The following IRAG1 variants were observed in gnomAD, a reference collection of about 807,000 sequenced individuals.
IRAG1 encodes the protein inositol 1,4,5-triphosphate receptor associated 1.
In IRAG1, 62 loss-of-function variants were observed where a neutral mutation model predicts 106.2. That is an observed-to-expected ratio of 0.58 (90% confidence interval 0.48 to 0.72). The LOEUF (loss-of-function observed/expected upper bound fraction) is 0.72, where lower values mean the gene tolerates loss of function less well. IRAG1 is among the 30% of genes least tolerant of loss of function. IRAG1 has a pLI of 0.00. For missense variants in IRAG1, 1,064 were observed against 1,140.7 expected, an observed-to-expected ratio of 0.93 and a Z score of 0.97; for synonymous variants, 462 against 443.9, an observed-to-expected ratio of 1.04 and a Z score of -0.51.
rs1554935662 is a variant in IRAG1 at position 10,680,404 on chromosome 11, G to GAAAGGAAA, written c.67+13131_67+13132insTTTCCTTT. On this transcript the variant is annotated intron_variant, in intron 1 of 20. Coordinates refer to ENST00000423302, the MANE Select transcript of IRAG1 (RefSeq NM_130385.4). ...AGGAAGGAAGGAAGGAAGGAAGGAA[G>GAAAGGAAA]GAAAGAAAGGGAAAGAAAGAAAGAG... Among the ~76,000 whole-genome samples the GAAAGGAAA allele has an allele frequency of 7.4e-3, 609 of 82,108 alleles. 15 individuals carry two copies. The highest frequency in any genetic ancestry group is 0.018 in the African/African-American group (315 of 17,038). 53.9% of individuals were successfully genotyped at this position (82,108 alleles called of 152,430 possible).
chr11:10,627,430 T>A (rs1856328855), intron 8 of IRAG1, among the ~76,000 whole-genome samples: 1 of 152,202 alleles, frequency 6.6e-6, no homozygotes, highest in South Asian at 2.1e-4. Flanking sequence ...CAGTCTCACC[T>A]GGCCTGGAGG....
intron 2 of IRAG1, among the ~76,000 whole-genome samples, chr11:10,635,654 G>A (rs1364400610): frequency 2.0e-5 from 3 of 152,166 alleles, no homozygotes; most frequent in Non-Finnish European, 4.4e-5. Flanking sequence ...GTTGTGAAAT[G>A]GGTCTCATAC....
intron 3 of IRAG1, 89 bp from the exon 4 acceptor site, chr11:10,632,150 C>T: frequency 9.4e-6 from 7 of 744,636 alleles, no homozygotes; most frequent in East Asian, 5.8e-5. Flanking sequence ...TTTTCTTTTT[C>T]TTTCTTTCTT....
intron 1 of IRAG1, among the ~76,000 whole-genome samples, chr11:10,663,776 C>T (rs1859578884): frequency 6.6e-6 from 1 of 152,230 alleles, no homozygotes; most frequent in East Asian, 1.9e-4. Context: ...AATCAAGCCT[C>T]ACTTTTCACA....
Position 10,628,951 on chromosome 11 carries a change from T to C in IRAG1, c.575-123A>G, listed in dbSNP as rs1271792541. ...GGTCTGCCTTGCTGGGCTCAGGGGC[T>C]GATGCTGGACTGCAATATGATGCTC... On this transcript the variant is annotated intron_variant, in intron 5 of 20. Coordinates refer to ENST00000423302, the MANE Select transcript of IRAG1 (RefSeq NM_130385.4). This position sits in a 1 kb window ranked among gnomAD's most constrained non-coding sequence, Gnocchi z 4.1. The C allele has an allele frequency of 2.2e-6, 2 of 889,750 alleles. No individual in the cohort carries two copies. The highest frequency in any genetic ancestry group is 3.5e-6 in the Non-Finnish European group (2 of 578,232). The allele number at this position is 889,750 out of a possible 1,614,324, so 55.1% of individuals were successfully genotyped here.
chr11:10,633,310 CA>C (rs1485886664), intron 3 of IRAG1, among the ~76,000 whole-genome samples: 9 of 152,252 alleles, frequency 5.9e-5, no homozygotes, highest in East Asian at 3.9e-4. Context: ...CTCCTGACCT[CA>C]TGATTCACCC....
intron 4 of IRAG1, among the ~76,000 whole-genome samples, chr11:10,631,582 T>C (rs1231296155): frequency 3.9e-5 from 6 of 152,202 alleles, no homozygotes; most frequent in African/African-American, 7.2e-5. Context: ...ATGAGATCTA[T>C]GTTCCAACAG....
At chr11:10,614,551 G>A (rs1283045102) in intron 10 of IRAG1, among the ~76,000 whole-genome samples, 1 of 152,136 alleles carries the variant, frequency 6.6e-6, no homozygotes, top group Non-Finnish European at 1.5e-5. Context: ...ATACTACAAG[G>A]CTACAGTAAC....
intron 4 of IRAG1, 71 bp downstream of exon 4, chr11:10,631,920 G>T: frequency 7.8e-7 from 1 of 1,290,008 alleles, no homozygotes; most frequent in Non-Finnish European, 1.1e-6. Flanking sequence ...GAGAGAGGAA[G>T]GAGTCAAGCC....
chr11:10,692,682 T>C (rs974151215), intron 1 of IRAG1, among the ~76,000 whole-genome samples: 1 of 152,216 alleles, frequency 6.6e-6, no homozygotes, highest in African/African-American at 2.4e-5. Context: ...GTTCAGCAGC[T>C]GCCGAGCTCT....
At chr11:10,677,913 GATA>G (rs1397067971) in intron 1 of IRAG1, among the ~76,000 whole-genome samples, 1 of 152,200 alleles carries the variant, frequency 6.6e-6, no homozygotes, top group Non-Finnish European at 1.5e-5. Context: ...CTTTCACTTA[GATA>G]ATGTTTTTGA....
intron 1 of IRAG1, among the ~76,000 whole-genome samples, chr11:10,671,294 G>T (rs1860199199): frequency 6.6e-6 from 1 of 152,176 alleles, no homozygotes; most frequent in Non-Finnish European, 1.5e-5. Flanking sequence ...CAAGGCTGCA[G>T]GATATATGAT....
chr11:10,638,795 T>C (rs1857316800), intron 2 of IRAG1, among the ~76,000 whole-genome samples: 1 of 152,214 alleles, frequency 6.6e-6, no homozygotes, highest in Non-Finnish European at 1.5e-5. Flanking sequence ...GGGCCAAACA[T>C]GAGCTAATTC....
intron 10 of IRAG1, among the ~76,000 whole-genome samples, chr11:10,614,378 T>G (rs1038653531): frequency 5.9e-5 from 9 of 152,228 alleles, no homozygotes; most frequent in Non-Finnish European, 7.3e-5. Flanking sequence ...CCTCATAATT[T>G]ATAGATTTCA....
Position 10,680,872 on chromosome 11 carries a change from G to A in IRAG1, c.67+12664C>T, listed in dbSNP as rs564015506. On this transcript the variant is annotated intron_variant, in intron 1 of 20. Coordinates refer to ENST00000423302, the MANE Select transcript of IRAG1 (RefSeq NM_130385.4). Reference sequence around the variant, plus strand: ...CTTGGGGCCGGGCGGGTTAGAGGGGGCAGTGAGAGGGATTATGTTACCTAT... The same window carrying A: ...CTTGGGGCCGGGCGGGTTAGAGGGGACAGTGAGAGGGATTATGTTACCTAT... Among the ~76,000 whole-genome samples, 17 of 152,264 alleles carry A rather than the reference G, an allele frequency of 1.1e-4. No individual in the cohort carries two copies. The South Asian group carries it at 3.5e-3, about 32-fold the overall frequency.
chr11:10,616,890 C>G (rs538646418), intron 10 of IRAG1: 78 of 309,246 alleles, frequency 2.5e-4, no homozygotes, highest in African/African-American at 1.4e-3. Flanking sequence ...TCAAATATAT[C>G]TCCCAGGACT....
chr11:10,585,963 C>T (rs1318539576), intron 18 of IRAG1: 3 of 152,026 alleles, frequency 2.0e-5, no homozygotes, highest in Non-Finnish European at 4.4e-5. Context: ...AGAAGCCCTC[C>T]ATGAACCCCC....
intron 2 of IRAG1, among the ~76,000 whole-genome samples, chr11:10,646,411 G>T (rs1444160397): frequency 6.6e-6 from 1 of 151,984 alleles, no homozygotes; most frequent in Non-Finnish European, 1.5e-5. Flanking sequence ...GCCCTTTAGT[G>T]CAGTCATTTA....
At position 10,580,492 on chromosome 11, in the gene IRAG1, C is replaced by T; in HGVS notation, c.2458G>A (p.Glu820Lys). ...SESPEEPEEV[E>K]ETEEEEKGPR... ...CCCTTTTCCTCTTCCTCAGTTTCTT[C>T]TACCTCTTCAGGTTCCTCAGGACTC... is the stretch of plus-strand genomic sequence containing the variant. Residue 820 changes from glutamate (E) to lysine (K), a missense_variant, in exon 20 of 21, where the codon GAA becomes AAA. Physicochemically the swap from Glu to Lys is moderately conservative, Grantham distance 56 (BLOSUM62 1). Coordinates refer to ENST00000423302, the MANE Select transcript of IRAG1 (RefSeq NM_130385.4). 2 of 1,613,948 alleles carry T rather than the reference C, an allele frequency of 1.2e-6. No individual in the cohort carries two copies. The highest frequency in any genetic ancestry group is 1.7e-6 in the Non-Finnish European group (2 of 1,179,852).
Sources: gnomAD v4.1 joint callset for allele counts (sites outside exome capture counted in the v4.1 genomes callset) on GRCh38, gnomAD v4.1.1 for gene constraint, Gnocchi (gnomAD v3.1) non-coding constraint, MANE v1.5 for transcripts, NCBI Gene and HGNC (gene_info 2026-07-23, HGNC 2026-07-21) for gene names.